Variants in DCAF12 observed in about 807,000 individuals in gnomAD.
DCAF12 encodes the protein DDB1- and CUL4-associated factor 12.
DCAF12 carries 28 observed loss-of-function variants against 52.8 expected under a neutral mutation model. The observed-to-expected ratio is 0.53, with a 90% confidence interval of 0.39 to 0.73. The LOEUF is 0.73. Among genes scored for constraint, DCAF12 ranks in the 30% least tolerant of loss-of-function variants. DCAF12 has a pLI of 0.00. For missense variants in DCAF12, 425 were observed against 552.2 expected (o/e 0.77, Z 2.31); for synonymous variants, 196 against 215.5 (o/e 0.91, Z 0.79).
intron 2 of DCAF12, among the ~76,000 whole-genome samples, chr9:34,111,405 A>C (rs1410289474): frequency 6.6e-6 from 1 of 152,202 alleles, no homozygotes; most frequent in Non-Finnish European, 1.5e-5. Flanking sequence ...GGCTCCCAAG[A>C]TATCCCTCTA....
chr9:34,098,636 A>G, intron 4 of DCAF12, 119 bp from the exon 5 acceptor site: 3 of 1,094,330 alleles, frequency 2.7e-6, no homozygotes, highest in Non-Finnish European at 3.8e-6. Flanking sequence ...TATGTGCTGA[A>G]GCTTGGCCAG....
Position 34,088,217 on chromosome 9 carries a change from C to T in DCAF12, c.*133G>A, listed in dbSNP as rs1320668551. The T allele has an allele frequency of 9.6e-7, 1 of 1,038,694 alleles. No individual in the cohort carries two copies. Among genetic ancestry groups the T allele is most frequent in the Non-Finnish European group, 1.4e-6 (1 of 739,066 alleles). 64.3% of individuals were successfully genotyped at this position (1,038,694 alleles called of 1,614,324 possible). On this transcript the variant is annotated 3_prime_UTR_variant, in exon 9 of 9. Coordinates refer to ENST00000361264, the MANE Select transcript of DCAF12 (RefSeq NM_015397.4). The stretch of plus-strand genomic sequence containing the variant: ...TACAGAGCTTCTTCCTATTAAGTGC[C>T]TAAACTATAGGCAAACTTTGGTGTT...
At chr9:34,121,949 C>A (rs1289008981) in intron 2 of DCAF12, among the ~76,000 whole-genome samples, 4 of 152,036 alleles carry the variant, frequency 2.6e-5, no homozygotes, top group South Asian at 2.1e-4. Flanking sequence ...CTCAAAAAAA[C>A]CAAAAAAGCA....
rs1469350849 is a variant in DCAF12, at chr9:34,086,561, TAGA to T, written c.*1786_*1788del. The T allele has an allele frequency of 2.6e-5, 4 of 152,050 alleles. No individual in the cohort carries two copies. Among genetic ancestry groups the T allele is most frequent in the South Asian group, 2.1e-4 (1 of 4,832 alleles). 9.4% of individuals were successfully genotyped at this position (152,050 alleles called of 1,614,324 possible). A position where few individuals can be genotyped will look rare whatever the true frequency, so the allele number is the denominator to read the frequency against. On this transcript the variant is annotated 3_prime_UTR_variant, in exon 9 of 9. Coordinates refer to ENST00000361264, the MANE Select transcript of DCAF12 (RefSeq NM_015397.4). ...AAATATACAAGTCAGTTTAAAATGA[TAGA>T]AGTTCTGTGAGAACTAAGAAATCTA...
chr9:34,108,979 T>C (rs1258409823), intron 2 of DCAF12, among the ~76,000 whole-genome samples: 1 of 49,132 alleles, frequency 2.0e-5, no homozygotes, highest in Non-Finnish European at 4.0e-5. Flanking sequence ...TTTATGTATA[T>C]GTTTTTATAT....
chr9:34,097,981 T>C (rs1200991574), intron 5 of DCAF12, among the ~76,000 whole-genome samples: 1 of 146,808 alleles, frequency 6.8e-6, no homozygotes, highest in Non-Finnish European at 1.5e-5. Context: ...AGAAAAAAAG[T>C]GATTGTTTTC....
At chr9:34,099,608 T>C (rs1005448000) in intron 4 of DCAF12, among the ~76,000 whole-genome samples, 3 of 151,694 alleles carry the variant, frequency 2.0e-5, no homozygotes, top group Non-Finnish European at 4.4e-5. Flanking sequence ...TTTCCCTTTT[T>C]TTGGAGATGA....
intron 4 of DCAF12, 66 bp from the exon 5 acceptor site, chr9:34,098,583 C>T: frequency 1.3e-6 from 2 of 1,510,244 alleles, no homozygotes; most frequent in Non-Finnish European, 1.8e-6. Context: ...CCACAGACGC[C>T]AAAGAGGGCT....
chr9:34,119,763 G>A lies in DCAF12; in HGVS notation c.333+5260C>T, dbSNP rs548254446. 2.0e-5 allele frequency among the ~76,000 whole-genome samples: 3 copies of A among 148,800 alleles called. No individual in the cohort carries two copies. In the East Asian group the frequency reaches 5.9e-4, roughly 29 times the overall value. On this transcript the variant is annotated intron_variant, in intron 2 of 8. Coordinates refer to ENST00000361264, the MANE Select transcript of DCAF12 (RefSeq NM_015397.4). ...GTCACCCAGGCTAGAGTGCAGTGGT[G>A]TAATCCCATTTAACTGCAGCCTCCA...
rs753411532 is a variant in DCAF12 at position 34,126,688 on chromosome 9, G to A, written c.-257C>T. 78 of 561,846 alleles carry A rather than the reference G, an allele frequency of 1.4e-4. No homozygotes were observed. The highest frequency in any genetic ancestry group is 9.3e-4 in the Middle Eastern group (2 of 2,156). The allele number at this position is 561,846 out of a possible 1,614,324, so 34.8% of individuals were successfully genotyped here. On this transcript the variant is annotated 5_prime_UTR_variant, in exon 1 of 9. Coordinates refer to ENST00000361264, the MANE Select transcript of DCAF12 (RefSeq NM_015397.4). ...ACGGCAGAGCCTGCAAGGACGGCGA[G>A]CGGCTAGAACCAAAACACCCCCTCC...
At position 34,126,542 on chromosome 9, in the gene DCAF12, G is replaced by A; in HGVS notation, c.-111C>T. On this transcript the variant is annotated 5_prime_UTR_variant, in exon 1 of 9. Transcript: ENST00000361264. The stretch of plus-strand genomic sequence containing the variant: ...GGGGCCGCGCACCTTAGTGCGCCCG[G>A]CCCGGAAAATGGCCCGGACCCGGAG... The A allele has an allele frequency of 8.0e-7, 1 of 1,253,626 alleles. No individual in the cohort carries two copies. Among genetic ancestry groups the A allele is most frequent in the Non-Finnish European group, 1.1e-6 (1 of 934,334 alleles). 77.7% of individuals were successfully genotyped at this position (1,253,626 alleles called of 1,614,324 possible).
chr9:34,089,268 G>T, intron 8 of DCAF12, 144 bp downstream of exon 8: 2 of 919,338 alleles, frequency 2.2e-6, no homozygotes, highest in East Asian at 2.8e-5. Flanking sequence ...AAGCAAAATC[G>T]GGGGAAGTCT....
At chr9:34,125,356 A>G in intron 1 of DCAF12, 79 bp from the exon 2 acceptor site, 2 of 1,464,038 alleles carry the variant, frequency 1.4e-6, no homozygotes, top group Non-Finnish European at 1.9e-6. Context: ...GAAATCACCA[A>G]CTCATAACTC....
At position 34,087,438 on chromosome 9, in the gene DCAF12, G is replaced by C. The variant is rs1828575868; in HGVS notation, c.*912C>G. 6.6e-6 allele frequency: 1 copy of C among 152,334 alleles called. No individual in the cohort carries two copies. Among genetic ancestry groups the C allele is most frequent in the Admixed American group, 6.5e-5 (1 of 15,280 alleles). 9.4% of individuals were successfully genotyped at this position (152,334 alleles called of 1,614,324 possible). A position where few individuals can be genotyped will look rare whatever the true frequency, so the allele number is the denominator to read the frequency against. ...CCCTTAAAACCAGATCAGGTCTTGA[G>C]GGGAAGGAGAGAGAAGCTAGGATGG... On this transcript the variant is annotated 3_prime_UTR_variant, in exon 9 of 9. Transcript: ENST00000361264.
chr9:34,098,447 G>A lies in DCAF12; in HGVS notation c.672C>T (p.His224=). 6.2e-7 allele frequency: 1 copy of A among 1,614,182 alleles called. No homozygotes were observed. Among genetic ancestry groups the A allele is most frequent in the Non-Finnish European group, 8.5e-7 (1 of 1,180,032 alleles). ...DDVLTKSDAR[H]NVSRVPVYAH... is the part of the protein sequence containing the mutation. Reference sequence around the variant, plus strand: ...CATACACAGGGACCCGTGACACATTGTGTCTCGCATCACTTTTGGTCAAAA... The same window carrying A: ...CATACACAGGGACCCGTGACACATTATGTCTCGCATCACTTTTGGTCAAAA... The change falls in exon 5 of 9, where the codon CAC becomes CAT. Residue 224 remains histidine, a synonymous_variant. Transcript: ENST00000361264.
In DCAF12 at chr9:34,126,600, G is replaced by A. The variant is rs544649879; in HGVS notation, c.-169C>T. 1.6e-4 allele frequency: 114 copies of A among 714,664 alleles called. No homozygotes were observed. Among genetic ancestry groups the A allele is most frequent in the Middle Eastern group, 7.9e-4 (2 of 2,520 alleles). 44.3% of individuals were successfully genotyped at this position (714,664 alleles called of 1,614,324 possible). ...AGAAAAAAGATAGGCGGAAAGAAAG[G>A]AAAGAGAGAGGAAGGACTTGAGCCG... On this transcript the variant is annotated 5_prime_UTR_variant, in exon 1 of 9. Coordinates refer to ENST00000361264, the MANE Select transcript of DCAF12 (RefSeq NM_015397.4).
At chr9:34,104,607 T>C (rs937604423) in intron 4 of DCAF12, among the ~76,000 whole-genome samples, 6 of 152,060 alleles carry the variant, frequency 3.9e-5, no homozygotes, top group Admixed American at 2.6e-4. Flanking sequence ...AGTTTTATTA[T>C]GAAAATTTTA....
intron 6 of DCAF12, among the ~76,000 whole-genome samples, chr9:34,094,763 CT>C (rs1372200138): frequency 2.0e-5 from 3 of 151,892 alleles, no homozygotes; most frequent in African/African-American, 4.8e-5. Context: ...ATCTCCTGAC[CT>C]TGCGATCCGC....
Position 34,088,116 on chromosome 9 carries a change from C to A in DCAF12, c.*234G>T. 2 of 357,962 alleles carry A rather than the reference C, an allele frequency of 5.6e-6. No individual in the cohort carries two copies. Among genetic ancestry groups the A allele is most frequent in the Non-Finnish European group, 4.9e-6 (1 of 202,442 alleles). The allele number at this position is 357,962 out of a possible 1,614,324, so 22.2% of individuals were successfully genotyped here. On this transcript the variant is annotated 3_prime_UTR_variant, in exon 9 of 9. Coordinates refer to ENST00000361264, the MANE Select transcript of DCAF12 (RefSeq NM_015397.4). ...TTAGCAACAATGTTTGGTTGAAAAG[C>A]CAGAAATAATAAAAGATAGTAAAAT...
Sources: allele counts gnomAD v4.1 joint callset (sites outside exome capture counted in the v4.1 genomes callset), GRCh38; gene constraint gnomAD v4.1.1; transcripts MANE v1.5; gene names NCBI Gene and HGNC (gene_info 2026-07-23, HGNC 2026-07-21).